Variants in AQR observed in about 807,000 individuals in gnomAD.
AQR encodes aquarius intron-binding spliceosomal factor, also known as RNA helicase aquarius.
AQR carries 61 observed loss-of-function variants against 180.5 expected under a neutral mutation model. That is an observed-to-expected ratio of 0.34 (90% CI 0.28 to 0.42). AQR has a LOEUF of 0.42. Among genes scored for constraint, AQR ranks in the 10% least tolerant of loss-of-function variants. AQR has a pLI of 1.00. For synonymous variants in AQR, 551 were observed against 588.8 expected, an observed-to-expected ratio of 0.94 and a Z score of 0.93; for missense variants, 1,281 against 1,798.3, an observed-to-expected ratio of 0.71 and a Z score of 5.20.
At chr15:34,886,244 G>T (rs1324937524) in intron 25 of AQR, among the ~76,000 whole-genome samples, 3 of 151,822 alleles carry the variant, frequency 2.0e-5, no homozygotes, top group Non-Finnish European at 4.4e-5. Context: ...AGTAAAAAAA[G>T]AAAAAAGAGT....
At chr15:34,881,355 CCTAT>C (rs1384643844) in intron 27 of AQR, among the ~76,000 whole-genome samples, 1 of 152,086 alleles carries the variant, frequency 6.6e-6, no homozygotes, top group East Asian at 1.9e-4. Context: ...TTATTTAGCG[CCTAT>C]CTTTCAGTGA....
At chr15:34,913,460 A>C (rs1311657405) in intron 16 of AQR, among the ~76,000 whole-genome samples, 1 of 152,124 alleles carries the variant, frequency 6.6e-6, no homozygotes, top group Non-Finnish European at 1.5e-5. Flanking sequence ...ATTTTTAATA[A>C]TTTTCAATGA....
At chr15:34,898,871 G>A (rs540195097) in intron 20 of AQR, among the ~76,000 whole-genome samples, 9 of 144,734 alleles carry the variant, frequency 6.2e-5, no homozygotes, top group African/African-American at 1.8e-4. Context: ...GTGACAGAGC[G>A]AAAAAACTAT....
chr15:34,901,722 TTACCAG>T (rs1371581397), intron 19 of AQR, among the ~76,000 whole-genome samples: 2 of 152,236 alleles, frequency 1.3e-5, no homozygotes, highest in African/African-American at 4.8e-5. Flanking sequence ...GTTCTTACAC[TTACCAG>T]TACCTGACAT....
intron 30 of AQR, among the ~76,000 whole-genome samples, chr15:34,872,424 T>A (rs982777700): frequency 1.3e-5 from 2 of 152,116 alleles, no homozygotes; most frequent in South Asian, 4.1e-4. Flanking sequence ...TTAGGCTTAA[T>A]GAATAAGAAA....
intron 14 of AQR, 26 bp from the exon 15 acceptor site, chr15:34,918,404 C>A (rs1222235696): frequency 1.2e-6 from 2 of 1,608,482 alleles, no homozygotes; most frequent in Non-Finnish European, 1.7e-6. Context: ...CAAGTTCATG[C>A]AGAAGGTTAG....
At position 34,869,197 on chromosome 15, in the gene AQR, C is replaced by T. The variant is rs369261252; in HGVS notation, c.3768+1555G>A. ...CATAATGTCAATCTTCATCATTTTA[C>T]CCATTCTTTTGGGTAGGTAGTGGTA... On this transcript the variant is annotated intron_variant, in intron 31 of 34. Transcript: ENST00000156471. 14 of 152,168 alleles carry T rather than the reference C, an allele frequency of 9.2e-5. 2 individuals are homozygous for T. The highest frequency in any genetic ancestry group is 7.7e-4 in the East Asian group (4 of 5,180). 9.4% of individuals were successfully genotyped at this position (152,168 alleles called of 1,614,324 possible). A position where few individuals can be genotyped will look rare whatever the true frequency, so the allele number is the denominator to read the frequency against.
Position 34,862,894 on chromosome 15 carries a change from T to G in AQR, c.4002A>C (p.Pro1334=). The G allele has an allele frequency of 6.2e-7, 1 of 1,613,718 alleles. No individual in the cohort carries two copies. The stretch of plus-strand genomic sequence containing the variant: ...TTCTAGTAGTTGGGAAAGGTTCTGT[T>G]GGAATTATATGCAAATGAAGGGGGC... ...TARPLHLHII[P]TEPFPTTRKN... is the part of the protein sequence containing the mutation. The change falls in exon 33 of 35, where the codon CCA becomes CCC. Residue 1334 remains proline (P), a synonymous_variant. Coordinates refer to ENST00000156471, the MANE Select transcript of AQR (RefSeq NM_014691.3).
At chr15:34,870,965 G>C in intron 30 of AQR, 43 bp from the exon 31 acceptor site, 1 of 1,570,536 alleles carries the variant, frequency 6.4e-7, no homozygotes, top group Non-Finnish European at 8.7e-7. Context: ...ATTTGCTTTT[G>C]TTTCAATTTT....
chr15:34,897,450 G>A, intron 21 of AQR, 109 bp downstream of exon 21: 1 of 1,259,190 alleles, frequency 7.9e-7, no homozygotes, highest in African/African-American at 1.5e-5. Context: ...TTCAGAAACA[G>A]GAGTTTTGTG....
chr15:34,861,020 A>G (rs11854422), intron 33 of AQR, among the ~76,000 whole-genome samples: 17,104 of 152,286 alleles, frequency 0.11, 1,156 homozygotes, highest in African/African-American at 0.18. Flanking sequence ...AATAGAGATT[A>G]ACAACTTTCC....
At chr15:34,884,883 C>G in intron 25 of AQR, 149 bp from the exon 26 acceptor site, 1 of 640,382 alleles carries the variant, frequency 1.6e-6, no homozygotes, top group Non-Finnish European at 2.6e-6. Context: ...ATTCTTCATT[C>G]CTGTAACTGA....
intron 25 of AQR, 74 bp from the exon 26 acceptor site, chr15:34,884,808 T>C: frequency 8.6e-7 from 1 of 1,166,670 alleles, no homozygotes; most frequent in Non-Finnish European, 1.2e-6. Flanking sequence ...ATAAATCTTA[T>C]AAAAACAAGA....
intron 14 of AQR, 45 bp downstream of exon 14, chr15:34,920,287 G>A (rs1372699892): frequency 7.1e-7 from 1 of 1,403,902 alleles, no homozygotes; most frequent in East Asian, 2.4e-5. Flanking sequence ...GACTTTAAAA[G>A]GCAAGGAAAA....
intron 20 of AQR, among the ~76,000 whole-genome samples, chr15:34,898,074 C>A (rs897403900): frequency 2.6e-5 from 4 of 152,102 alleles, no homozygotes; most frequent in Non-Finnish European, 5.9e-5. Context: ...CATTCAAAGA[C>A]GGGAAGAGAA....
At position 34,882,465 on chromosome 15, in the gene AQR, T is replaced by TAAAA. The variant is rs34949352; in HGVS notation, c.3165+33_3165+36dup. 1.8e-3 allele frequency: 2,133 copies of TAAAA among 1,193,466 alleles called. 11 individuals are homozygous for TAAAA. Among genetic ancestry groups the TAAAA allele is most frequent in the South Asian group, 4.2e-3 (155 of 36,630 alleles). 73.9% of individuals were successfully genotyped at this position (1,193,466 alleles called of 1,614,324 possible). A position where few individuals can be genotyped will look rare whatever the true frequency, so the allele number is the denominator to read the frequency against. ...GAAGTGAGCCAATCTCTGATAATCTTAAAAAAAAAAAAAAAAAAACTACCA... is the reference window on the plus strand; with the variant it reads ...GAAGTGAGCCAATCTCTGATAATCTTAAAAAAAAAAAAAAAAAAAAAAACTACCA... On this transcript the variant is annotated intron_variant, in intron 27 of 34. Coordinates refer to ENST00000156471, the MANE Select transcript of AQR (RefSeq NM_014691.3).
chr15:34,898,312 T>C (rs1893278950), intron 20 of AQR, among the ~76,000 whole-genome samples: 1 of 152,302 alleles, frequency 6.6e-6, no homozygotes, highest in African/African-American at 2.4e-5. Context: ...CTCCCTAAAA[T>C]TGAACTAAAA....
In AQR at chr15:34,932,440, A is replaced by G; in HGVS notation, c.784-6T>C. 6.4e-7 allele frequency: 1 copy of G among 1,553,986 alleles called. No homozygotes were observed. Among genetic ancestry groups the G allele is most frequent in the Non-Finnish European group, 8.7e-7 (1 of 1,144,806 alleles). ...CGCCTTGTGGGTAGCAGGGCCTGGGAAAAACAAACATCATAACAGTAAGTT... is the reference window on the plus strand; with the variant it reads ...CGCCTTGTGGGTAGCAGGGCCTGGGGAAAACAAACATCATAACAGTAAGTT... On this transcript the variant is annotated splice_region_variant and splice_polypyrimidine_tract_variant and intron_variant, in intron 10 of 34. Coordinates refer to ENST00000156471, the MANE Select transcript of AQR (RefSeq NM_014691.3).
At chr15:34,947,874 G>A (rs962981363) in intron 5 of AQR, among the ~76,000 whole-genome samples, 1 of 151,980 alleles carries the variant, frequency 6.6e-6, no homozygotes, top group Non-Finnish European at 1.5e-5. Flanking sequence ...TCCTGGCTTC[G>A]AGCAATCCTC....
Sources: gnomAD v4.1 joint callset for allele counts (sites outside exome capture counted in the v4.1 genomes callset) on GRCh38, gnomAD v4.1.1 for gene constraint, MANE v1.5 for transcripts, NCBI Gene and HGNC (gene_info 2026-07-23, HGNC 2026-07-21) for gene names.